Variants in PTPRB observed in about 807,000 individuals in gnomAD.
The protein encoded by PTPRB is receptor-type tyrosine-protein phosphatase beta.
In PTPRB, 97 loss-of-function variants were observed where a neutral mutation model predicts 238.1. The ratio of observed to expected loss-of-function variants is 0.41; its 90% confidence interval spans 0.35 to 0.48. PTPRB has a LOEUF of 0.48. PTPRB is among the 20% of genes least tolerant of loss of function. The pLI is 0.30. For missense variants in PTPRB, 2,292 were observed against 2,681.9 expected, an observed-to-expected ratio of 0.85 and a Z score of 3.21; for synonymous variants, 970 against 995.4, an observed-to-expected ratio of 0.97 and a Z score of 0.48.
chr12:70,558,893 C>G, intron 18 of PTPRB: 7 of 185,956 alleles, frequency 3.8e-5, no homozygotes, highest in Non-Finnish European at 5.6e-5. Context: ...AGATCTTGTA[C>G]TCTCCCTCCT....
chr12:70,580,508 T>C (rs190618571), intron 10 of PTPRB, among the ~76,000 whole-genome samples: 1 of 152,222 alleles, frequency 6.6e-6, no homozygotes, highest in East Asian at 1.9e-4. Flanking sequence ...GAGGAGTTCT[T>C]ACATGTTCAT....
At chr12:70,552,702 A>G (rs1877075497) in intron 21 of PTPRB, 75 bp downstream of exon 21, 4 of 1,546,680 alleles carry the variant, frequency 2.6e-6, no homozygotes, top group African/African-American at 2.7e-5. Context: ...GCTCGCATGC[A>G]TCAGTTGCTC....
rs560460802 is a variant in PTPRB, at chr12:70,637,226, T to C, written c.55+115A>G. The stretch of plus-strand genomic sequence containing the variant: ...ATTCCTGCTTTTCATCGTCTTTGGC[T>C]AAACTGCCATGGAGACCTGGCCCCT... On this transcript the variant is annotated intron_variant, in intron 1 of 33. Transcript: ENST00000334414. 3 of 887,308 alleles carry C rather than the reference T, an allele frequency of 3.4e-6. No individual in the cohort carries two copies. In the South Asian group the frequency reaches 5.0e-5, roughly 15 times the overall value. The allele number at this position is 887,308 out of a possible 1,614,324, so 55.0% of individuals were successfully genotyped here. A position where few individuals can be genotyped will look rare whatever the true frequency, so the allele number is the denominator to read the frequency against.
At chr12:70,632,677 C>T (rs1259329282) in intron 2 of PTPRB, among the ~76,000 whole-genome samples, 1 of 151,776 alleles carries the variant, frequency 6.6e-6, no homozygotes, top group Non-Finnish European at 1.5e-5. Context: ...TTGTAATTAC[C>T]TATTTATTTA....
At chr12:70,571,508 C>G in intron 12 of PTPRB, 1 of 589,278 alleles carries the variant, frequency 1.7e-6, no homozygotes, top group Non-Finnish European at 2.9e-6. Context: ...ATTGGTAGAA[C>G]ATAATTATAA....
chr12:70,543,201 C>T, intron 22 of PTPRB, among the ~76,000 whole-genome samples: 1 of 152,174 alleles, frequency 6.6e-6, no homozygotes, highest in South Asian at 2.1e-4. Context: ...AGATTTACAC[C>T]TATGTTTTCT....
In PTPRB at chr12:70,555,966, G is replaced by A; in HGVS notation, c.4897C>T (p.Leu1633=). ...KEKSLLNIMM[L]VPHKRYLVSI... ...ACCAGGTACCTCTTATGGGGCACTA[G>A]CATCATGATGTTGAGCAGAGATTTT... The change falls in exon 19 of 34, where the codon CTA becomes TTA. Residue 1633 remains leucine (L), a synonymous_variant. Transcript: ENST00000334414. 1.9e-6 allele frequency: 3 copies of A among 1,613,962 alleles called. No individual in the cohort carries two copies. Among genetic ancestry groups the A allele is most frequent in the Non-Finnish European group, 2.5e-6 (3 of 1,179,874 alleles).
At position 70,571,914 on chromosome 12, in the gene PTPRB, C is replaced by G; in HGVS notation, c.3016G>C (p.Val1006Leu). 3.1e-6 allele frequency: 5 copies of G among 1,613,964 alleles called. No individual in the cohort carries two copies. The highest frequency in any genetic ancestry group is 4.2e-6 in the Non-Finnish European group (5 of 1,179,854). ...TACAACCGTCCAGGGACTAGCTGAA[C>G]AAATACACATTCGTTTTCTGACTTG... Reference protein sequence around the residue: ...IPKSENECVFVQLVPGRLYSV... With the variant: ...IPKSENECVFLQLVPGRLYSV... Residue 1006 changes from valine (V) to leucine (L), a missense_variant, in exon 12 of 34, where the codon GTT (valine) becomes CTT (leucine). Physicochemically the swap from Val to Leu is conservative, Grantham distance 32. Transcript: ENST00000334414.
chr12:70,555,815 C>G, intron 19 of PTPRB, 55 bp downstream of exon 19: 1 of 1,577,784 alleles, frequency 6.3e-7, no homozygotes, highest in South Asian at 1.2e-5. Flanking sequence ...GAAAGGTGCA[C>G]AGCCCCTTCA....
chr12:70,533,191 A>G (rs924752976), intron 31 of PTPRB, among the ~76,000 whole-genome samples: 1 of 152,108 alleles, frequency 6.6e-6, no homozygotes, highest in African/African-American at 2.4e-5. Flanking sequence ...TTTTTGATAC[A>G]CACATTTATA....
chr12:70,621,663 G>T (rs1259493081), intron 3 of PTPRB, among the ~76,000 whole-genome samples: 1 of 152,200 alleles, frequency 6.6e-6, no homozygotes, highest in Non-Finnish European at 1.5e-5. Context: ...TGGATGTGAA[G>T]TCATATGACT....
At chr12:70,571,348 A>G in intron 12 of PTPRB, 59 bp from the exon 13 acceptor site, 2 of 1,446,928 alleles carry the variant, frequency 1.4e-6, no homozygotes, top group Non-Finnish European at 9.4e-7. Context: ...TTACCTACAT[A>G]ATAATTTATG....
At position 70,569,777 on chromosome 12, in the gene PTPRB, C is replaced by A; in HGVS notation, c.3532G>T (p.Glu1178Ter). The stretch of plus-strand genomic sequence containing the variant: ...GCCTCCAGTCTGTGGAACGTGTGCT[C>A]AAAGACGTGCTTGGGAATAGTCTGA... Reference protein sequence around the residue: ...DSQTIPKHVFEHTFHRLEAGE... With the variant: ...DSQTIPKHVF Residue 1178 changes from glutamate to a stop codon, truncating the protein, a stop_gained, in exon 14 of 34, where the codon GAG becomes TAG. Coordinates refer to ENST00000334414, the MANE Select transcript of PTPRB (RefSeq NM_001109754.4). LOFTEE classifies it high-confidence loss of function. The A allele has an allele frequency of 6.2e-7, 1 of 1,613,880 alleles. No homozygotes were observed. The highest frequency in any genetic ancestry group is 8.5e-7 in the Non-Finnish European group (1 of 1,179,870).
chr12:70,576,261 A>G (rs1880674314), intron 11 of PTPRB, 121 bp downstream of exon 11: 1 of 1,103,136 alleles, frequency 9.1e-7, no homozygotes, highest in Non-Finnish European at 1.3e-6. Context: ...AAGACTTCAT[A>G]ACAGTTTTGT....
chr12:70,604,678 C>G (rs1883794907), intron 4 of PTPRB, among the ~76,000 whole-genome samples: 1 of 152,140 alleles, frequency 6.6e-6, no homozygotes, highest in South Asian at 2.1e-4. Flanking sequence ...AACCCCAGTA[C>G]CTCAGTATGT....
intron 2 of PTPRB, among the ~76,000 whole-genome samples, chr12:70,626,637 T>A (rs1196174663): frequency 6.6e-6 from 1 of 152,110 alleles, no homozygotes; most frequent in African/African-American, 2.4e-5. Context: ...ATTTAAAGTA[T>A]ATAGGAGGAT....
chr12:70,530,624 G>A (rs887000389), intron 32 of PTPRB, among the ~76,000 whole-genome samples: 1 of 152,142 alleles, frequency 6.6e-6, no homozygotes, highest in Non-Finnish European at 1.5e-5. Context: ...CATGGGGTAG[G>A]GGAACATTAA....
intron 3 of PTPRB, among the ~76,000 whole-genome samples, chr12:70,611,589 C>T (rs2583995): frequency 0.22 from 33,601 of 152,106 alleles, 4,761 homozygotes; most frequent in African/African-American, 0.39. Flanking sequence ...CGTGTGCCAC[C>T]GTGCCTGGCC....
intron 4 of PTPRB, 26 bp downstream of exon 4, chr12:70,609,043 A>G: frequency 1.9e-6 from 3 of 1,611,312 alleles, no homozygotes; most frequent in Non-Finnish European, 2.5e-6. Flanking sequence ...TGGCTTGGCC[A>G]TCCAATTGCA....
Sources: allele counts gnomAD v4.1 joint callset (sites outside exome capture counted in the v4.1 genomes callset), GRCh38; gene constraint gnomAD v4.1.1; transcripts MANE v1.5; gene names NCBI Gene and HGNC (gene_info 2026-07-23, HGNC 2026-07-21).